Variants in NUP210L observed in about 807,000 individuals in gnomAD.
NUP210L encodes the protein nucleoporin 210 like.
A neutral mutation model predicts 208.5 loss-of-function variants in NUP210L; 74 were observed. That is an observed-to-expected ratio of 0.35 (90% CI 0.29 to 0.43). The LOEUF is 0.43. Among genes scored for constraint, NUP210L ranks in the 20% least tolerant of loss-of-function variants. NUP210L has a pLI of 1.00. For missense variants in NUP210L, 1,843 were observed against 2,289.4 expected (o/e 0.81, Z 3.98); for synonymous variants, 780 against 816.9 (o/e 0.95, Z 0.77).
intron 12 of NUP210L, among the ~76,000 whole-genome samples, chr1:154,110,169 AGGT>A (rs2148078904): frequency 6.7e-6 from 1 of 150,340 alleles, no homozygotes; most frequent in Admixed American, 6.6e-5. Flanking sequence ...CAGGAGGCAC[AGGT>A]TGCAGTGAGC....
exon 39 of NUP210L, chr1:153,993,070 G>A (rs1486210856): frequency 1.2e-6 from 2 of 1,613,398 alleles, no homozygotes; most frequent in Non-Finnish European, 8.5e-7. Flanking sequence ...TTTGTATCTT[G>A]TTTAGGAAGG....
chr1:154,081,708 A>G (rs1280686379), intron 16 of NUP210L, among the ~76,000 whole-genome samples: 1 of 152,220 alleles, frequency 6.6e-6, no homozygotes, highest in Non-Finnish European at 1.5e-5. Flanking sequence ...GGAGCTGGGC[A>G]TGGTGGTTCA....
At chr1:154,042,450 G>T (rs991887333) in intron 27 of NUP210L, among the ~76,000 whole-genome samples, 1 of 149,134 alleles carries the variant, frequency 6.7e-6, no homozygotes, top group Non-Finnish European at 1.5e-5. Context: ...TTGTTGAGAC[G>T]GAGTCTTGCT....
intron 13 of NUP210L, among the ~76,000 whole-genome samples, chr1:154,102,600 A>G (rs11265082): frequency 0.26 from 39,019 of 152,096 alleles, 5,511 homozygotes; most frequent in Admixed American, 0.37. Flanking sequence ...TATAAGAATT[A>G]AATAGTTAAT....
chr1:153,994,869 G>A (rs914248519), intron 38 of NUP210L, among the ~76,000 whole-genome samples: 2 of 151,754 alleles, frequency 1.3e-5, no homozygotes, highest in Non-Finnish European at 2.9e-5. Context: ...AAAATTAGTC[G>A]GGAGCAGTGG....
intron 9 of NUP210L, 39 bp from the exon 10 acceptor site, chr1:154,126,502 T>C (rs928407125): frequency 1.9e-6 from 3 of 1,560,580 alleles, no homozygotes; most frequent in African/African-American, 2.7e-5. Context: ...CCTGAAGATA[T>C]GTTCTTTCCC....
rs1195995753 is a variant in NUP210L at position 154,046,272 on chromosome 1, A to G, written c.3564+17T>C. 5.6e-6 allele frequency: 9 copies of G among 1,613,978 alleles called. No homozygotes were observed. The highest frequency in any genetic ancestry group is 7.6e-6 in the Non-Finnish European group (9 of 1,179,940). On this transcript the variant is annotated intron_variant, in intron 26 of 39. Transcript: ENST00000368559. Reference sequence around the variant, plus strand: ...ATTATCAGAATAATGAGCCCTGAACAGAGCCATCATACTGACCTTGGTAGC... The same window carrying G: ...ATTATCAGAATAATGAGCCCTGAACGGAGCCATCATACTGACCTTGGTAGC...
At chr1:154,087,831 C>G (rs1655701422) in intron 16 of NUP210L, among the ~76,000 whole-genome samples, 1 of 152,074 alleles carries the variant, frequency 6.6e-6, no homozygotes, top group Non-Finnish European at 1.5e-5. Flanking sequence ...AAGCTAGGCA[C>G]AAAGGACACA....
chr1:154,141,429 A>C lies in NUP210L; in HGVS notation c.566+2T>G. 1.3e-6 allele frequency: 2 copies of C among 1,573,724 alleles called. No homozygotes were observed. Among genetic ancestry groups the C allele is most frequent in the Non-Finnish European group, 1.7e-6 (2 of 1,143,160 alleles). On this transcript the variant is annotated splice_donor_variant, in intron 4 of 39. Transcript: ENST00000368559. LOFTEE classifies it high-confidence loss of function. ...ATGATTTATGTTTGGTTTCAAGTTT[A>C]CCTAATTTTGCTAGACAGTTCTTCT...
chr1:154,120,722 C>T (rs960195215), intron 10 of NUP210L, among the ~76,000 whole-genome samples: 4 of 151,104 alleles, frequency 2.6e-5, no homozygotes, highest in Admixed American at 2.0e-4. Context: ...GGTGAAACCC[C>T]GTCTCTACCT....
At chr1:154,054,910 T>C (rs1653726298) in intron 23 of NUP210L, 78 bp from the exon 24 acceptor site, 2 of 1,057,112 alleles carry the variant, frequency 1.9e-6, no homozygotes, top group Non-Finnish European at 2.9e-6. Flanking sequence ...TTTAAATTTT[T>C]TTTTTTTTTA....
intron 10 of NUP210L, among the ~76,000 whole-genome samples, chr1:154,121,180 G>C (rs180861820): frequency 1.4e-3 from 207 of 152,200 alleles, no homozygotes; most frequent in African/African-American, 4.6e-3. Context: ...TAATGTTTTA[G>C]GGGAGCAACC....
intron 37 of NUP210L, among the ~76,000 whole-genome samples, chr1:153,997,565 C>T (rs1045843490): frequency 6.6e-6 from 1 of 151,038 alleles, no homozygotes; most frequent in African/African-American, 2.4e-5. Context: ...CTCCCAGGCT[C>T]AAGCGATCCT....
intron 27 of NUP210L, among the ~76,000 whole-genome samples, chr1:154,041,095 G>C (rs1477469101): frequency 6.6e-6 from 1 of 152,104 alleles, no homozygotes; most frequent in East Asian, 1.9e-4. Context: ...GTCCCAAGTA[G>C]CTGAGACTAC....
At chr1:154,129,467 A>AT in intron 7 of NUP210L, 122 bp from the exon 8 acceptor site, 1 of 691,198 alleles carries the variant, frequency 1.4e-6, no homozygotes, top group South Asian at 1.9e-5. Flanking sequence ...CCTATCTTTT[A>AT]TTATCCTTTG....
At chr1:154,021,194 C>T (rs1208988039) in intron 32 of NUP210L, among the ~76,000 whole-genome samples, 1 of 152,204 alleles carries the variant, frequency 6.6e-6, no homozygotes, top group Non-Finnish European at 1.5e-5. Context: ...GCCACCTCAG[C>T]CTCCCAAAGT....
In NUP210L at chr1:154,058,551, C is replaced by G. The variant is rs1453951863; in HGVS notation, c.2979+14G>C. The stretch of plus-strand genomic sequence containing the variant: ...GTCTTGCTTAATTTCTGAGATAAAA[C>G]AAACATGTCTCACCTTATCAATCAG... On this transcript the variant is annotated intron_variant, in intron 21 of 39. Coordinates refer to ENST00000368559, the Ensembl canonical transcript of NUP210L. 6.2e-7 allele frequency: 1 copy of G among 1,605,692 alleles called. No homozygotes were observed. Among genetic ancestry groups the G allele is most frequent in the East Asian group, 2.2e-5 (1 of 44,816 alleles).
intron 33 of NUP210L, among the ~76,000 whole-genome samples, chr1:154,018,608 C>A (rs1434821855): frequency 6.6e-6 from 1 of 152,164 alleles, no homozygotes; most frequent in Non-Finnish European, 1.5e-5. Flanking sequence ...CTTCTTATCA[C>A]CTCCTCTGTC....
intron 33 of NUP210L, 106 bp from the exon 34 acceptor site, chr1:154,012,476 A>G: frequency 3.8e-6 from 4 of 1,049,650 alleles, no homozygotes; most frequent in Admixed American, 4.6e-5. Flanking sequence ...TGTTTCACAC[A>G]AGTACAGATT....
Sources: gnomAD v4.1 joint callset for allele counts (sites outside exome capture counted in the v4.1 genomes callset) on GRCh38, gnomAD v4.1.1 for gene constraint, MANE v1.5 for transcripts, NCBI Gene and HGNC (gene_info 2026-07-23, HGNC 2026-07-21) for gene names.